Variants in IST1 observed in about 807,000 individuals in gnomAD.
IST1 encodes IST1 homolog.
In IST1, 23 loss-of-function variants were observed where a neutral mutation model predicts 37.0. The ratio of observed to expected loss-of-function variants is 0.62; its 90% CI spans 0.45 to 0.88. The LOEUF (loss-of-function observed/expected upper bound fraction) is 0.88, where lower values mean the gene tolerates loss of function less well. Ranked by LOEUF, IST1 falls within the 40% of genes least tolerant of loss-of-function variation. The probability of loss-of-function intolerance (pLI) is 0.00; values close to 1 mark genes in which losing one functional copy is unlikely to be tolerated. For missense variants in IST1, 488 were observed against 445.4 expected, an observed-to-expected ratio of 1.10 and a Z score of -0.86; for synonymous variants, 180 against 161.7, an observed-to-expected ratio of 1.11 and a Z score of -0.86.
intron 1 of IST1, among the ~76,000 whole-genome samples, chr16:71,900,459 C>T (rs1010396357): frequency 1.3e-5 from 2 of 150,404 alleles, no homozygotes; most frequent in African/African-American, 2.5e-5. Context: ...TCCAGATATC[C>T]TAAGAGGAAG....
At chr16:71,912,103 A>G (rs905866203) in intron 1 of IST1, among the ~76,000 whole-genome samples, 1 of 152,148 alleles carries the variant, frequency 6.6e-6, no homozygotes, top group African/African-American at 2.4e-5. Context: ...CATCATCATG[A>G]TCAAGTTTAG....
intron 4 of IST1, among the ~76,000 whole-genome samples, chr16:71,917,464 CTTTA>C (rs1045853662): frequency 1.1e-4 from 17 of 152,194 alleles, no homozygotes; most frequent in African/African-American, 2.9e-4. Context: ...GATGTTTTTG[CTTTA>C]TTTATTAATT....
At position 71,915,702 on chromosome 16, in the gene IST1, G is replaced by A. The variant is rs752762622; in HGVS notation, c.62G>A (p.Arg21His). The change falls in exon 2 of 10, where the codon CGC becomes CAC. Residue 21 changes from arginine (R) to histidine (H), a missense_variant. This residue lies in a region of IST1 where 33 missense variants were observed against 59.3 expected (regional missense o/e 0.56). Transcript: ENST00000378799. ...GTGAATTTGAGATTAGTCATAAATC[G>A]CCTTAAACTATTGGAGAAAAAGAAA... ...LRVNLRLVIN[R>H]LKLLEKKKTE... 4.3e-6 allele frequency: 7 copies of A among 1,612,292 alleles called. No individual in the cohort carries two copies. The South Asian group carries it at 4.4e-5, about 10-fold the overall frequency.
intron 7 of IST1, chr16:71,922,933 A>T (rs1359750652): frequency 7.1e-6 from 4 of 561,366 alleles, no homozygotes; most frequent in Non-Finnish European, 1.3e-5. Flanking sequence ...TATCTTTGGG[A>T]TCTGTTATAG....
chr16:71,915,828 T>A (rs1209279169), intron 2 of IST1, 100 bp downstream of exon 2: 1 of 601,642 alleles, frequency 1.7e-6, no homozygotes, highest in East Asian at 3.4e-5. Context: ...AGGGATCATA[T>A]TTTTTTTTGT....
chr16:71,928,501 G>C lies in IST1; in HGVS notation c.*688G>C, dbSNP rs916288318. 3.3e-5 allele frequency: 5 copies of C among 152,684 alleles called. No homozygotes were observed. The highest frequency in any genetic ancestry group is 2.1e-4 in the South Asian group (1 of 4,828). The allele number at this position is 152,684 out of a possible 1,614,324, so 9.5% of individuals were successfully genotyped here. On this transcript the variant is annotated 3_prime_UTR_variant, in exon 10 of 10. Transcript: ENST00000378799. ...TCTGTGGCCTTTTGCTTTGCGTGCT[G>C]TTTCCCTTGTACCAGAGGGCGGCAC...
chr16:71,919,799 C>T (rs2037540064), intron 4 of IST1, among the ~76,000 whole-genome samples: 1 of 152,200 alleles, frequency 6.6e-6, no homozygotes, highest in Non-Finnish European at 1.5e-5. Context: ...TAGCATGGTG[C>T]ACCTTCCCTT....
rs200873253 is a variant in IST1, at chr16:71,923,356, A to G, written c.828A>G (p.Pro276=). Residue 276 remains proline (P), a synonymous_variant, in exon 8 of 10, where the codon CCA becomes CCG. Transcript: ENST00000378799. The part of the protein sequence containing the change: ...AFPNIHPPQI[P]ATPPSYESVD... ...CCAATATTCATCCACCTCAGATACC[A>G]GCAACTCCCCCATCGTATGAATCTG... 5.0e-6 allele frequency: 8 copies of G among 1,609,718 alleles called. No homozygotes were observed. Among genetic ancestry groups the G allele is most frequent in the Non-Finnish European group, 6.8e-6 (8 of 1,176,294 alleles).
intron 9 of IST1, among the ~76,000 whole-genome samples, chr16:71,926,254 C>T (rs954182439): frequency 1.3e-5 from 2 of 152,026 alleles, no homozygotes; most frequent in Non-Finnish European, 2.9e-5. Flanking sequence ...TGCACTCCAG[C>T]CTGGGCGACA....
Position 71,927,853 on chromosome 16 carries a change from G to A in IST1, c.*40G>A. On this transcript the variant is annotated 3_prime_UTR_variant, in exon 10 of 10. Transcript: ENST00000378799. ...GCAACTTTCACGTTTTGGGAGTTGA[G>A]ACTGAGCAATTTCTCCTTGTAACAA... 2.2e-6 allele frequency: 3 copies of A among 1,393,172 alleles called. No individual in the cohort carries two copies. Among genetic ancestry groups the A allele is most frequent in the Non-Finnish European group, 3.0e-6 (3 of 985,918 alleles). The allele number at this position is 1,393,172 out of a possible 1,614,324, so 86.3% of individuals were successfully genotyped here. A position where few individuals can be genotyped will look rare whatever the true frequency, so the allele number is the denominator to read the frequency against.
At chr16:71,922,834 A>G (rs962514648) in intron 7 of IST1, 154 bp downstream of exon 7, 14 of 655,698 alleles carry the variant, frequency 2.1e-5, no homozygotes, top group Middle Eastern at 2.6e-4. Flanking sequence ...GAAAAAACAC[A>G]TTGGATTCAG....
chr16:71,923,279 C>T lies in IST1; in HGVS notation c.760-9C>T, dbSNP rs777114602. On this transcript the variant is annotated splice_polypyrimidine_tract_variant and intron_variant, in intron 7 of 9. Coordinates refer to ENST00000378799, the MANE Select transcript of IST1 (RefSeq NM_001270975.2). ...CAGTGTCTCTGATGTTGCCTTTCTC[C>T]TCTTACAGTCAGATTTCAATGGACT... 9 of 1,585,150 alleles carry T rather than the reference C, an allele frequency of 5.7e-6. No homozygotes were observed. The Admixed American group carries it at 1.5e-4, about 27-fold the overall frequency.
At chr16:71,909,207 A>G (rs1195073410) in intron 1 of IST1, among the ~76,000 whole-genome samples, 2 of 148,400 alleles carry the variant, frequency 1.3e-5, no homozygotes, top group African/African-American at 4.9e-5. Context: ...TCCTGGGTGC[A>G]AGTGAGCCTC....
chr16:71,897,954 G>C (rs1289616327), intron 1 of IST1, among the ~76,000 whole-genome samples: 1 of 151,952 alleles, frequency 6.6e-6, no homozygotes, highest in Non-Finnish European at 1.5e-5. Flanking sequence ...GTCTCAAAAA[G>C]AAAAAATTAT....
At position 71,929,620 on chromosome 16, in the gene IST1, C is replaced by G. The variant is rs371294495; in HGVS notation, c.*1807C>G. On this transcript the variant is annotated 3_prime_UTR_variant, in exon 10 of 10. Coordinates refer to ENST00000378799, the MANE Select transcript of IST1 (RefSeq NM_001270975.2). The stretch of plus-strand genomic sequence containing the variant: ...CTCAGATGAGGTTTTTTGGGGCCAA[C>G]TGATTCCTAACAAATTTGAGAGCTT... 4 of 1,551,724 alleles carry G rather than the reference C, an allele frequency of 2.6e-6. No individual in the cohort carries two copies. The highest frequency in any genetic ancestry group is 2.4e-5 in the South Asian group (2 of 84,068).
At chr16:71,911,411 T>C (rs1342723153) in intron 1 of IST1, among the ~76,000 whole-genome samples, 2 of 151,958 alleles carry the variant, frequency 1.3e-5, no homozygotes, top group Admixed American at 1.3e-4. Context: ...TTCACGCCTG[T>C]AATCCCAGAC....
intron 5 of IST1, 148 bp from the exon 6 acceptor site, chr16:71,921,195 T>G: frequency 1.6e-6 from 1 of 625,124 alleles, no homozygotes; most frequent in South Asian, 1.9e-5. Flanking sequence ...ATGTGTCTTG[T>G]GACTCTGAAA....
chr16:71,925,898 A>C (rs1307413247), intron 9 of IST1, among the ~76,000 whole-genome samples: 1 of 152,128 alleles, frequency 6.6e-6, no homozygotes, highest in Non-Finnish European at 1.5e-5. Flanking sequence ...TGATCATTGT[A>C]CTCCAGCCTG....
chr16:71,924,317 G>A (rs1488518339), intron 8 of IST1: 4 of 395,810 alleles, frequency 1.0e-5, no homozygotes, highest in African/African-American at 2.1e-5. Flanking sequence ...GCAGTTAAGA[G>A]TTCAACATGG....
Sources: gnomAD v4.1 joint callset for allele counts (sites outside exome capture counted in the v4.1 genomes callset) on GRCh38, gnomAD v4.1.1 for gene constraint, gnomAD v4.1.1 regional missense constraint, MANE v1.5 for transcripts, NCBI Gene and HGNC (gene_info 2026-07-23, HGNC 2026-07-21) for gene names.